ODR4: variants seen among roughly 807,000 people sequenced by gnomAD.
The protein encoded by ODR4 is protein odr-4 homolog.
ODR4 carries 47 observed loss-of-function variants against 60.2 expected under a neutral mutation model. That is an observed-to-expected ratio of 0.78 (90% CI 0.62 to 1.00). The LOEUF (loss-of-function observed/expected upper bound fraction) is 1.00. Among genes scored for constraint, ODR4 ranks in the 50% least tolerant of loss-of-function variants. The probability of loss-of-function intolerance (pLI) is 0.00; values close to 1 mark genes in which losing one functional copy is unlikely to be tolerated. For missense variants in ODR4, 488 were observed against 530.8 expected (o/e 0.92, Z 0.79); for synonymous variants, 178 against 175.5 (o/e 1.01, Z -0.11).
chr1:186,414,179 A>G (rs980082844), intron 12 of ODR4, among the ~76,000 whole-genome samples: 1 of 152,192 alleles, frequency 6.6e-6, no homozygotes, highest in Non-Finnish European at 1.5e-5. Context: ...TTCATTATTG[A>G]AAAACATTCT....
intron 11 of ODR4, among the ~76,000 whole-genome samples, chr1:186,403,148 A>G (rs1571689306): frequency 6.6e-6 from 1 of 152,194 alleles, no homozygotes; most frequent in South Asian, 2.1e-4. Context: ...TAACAGGATA[A>G]TTATTCCAAC....
At chr1:186,383,196 C>CA in intron 3 of ODR4, 40 bp downstream of exon 3, 1 of 1,518,482 alleles carries the variant, frequency 6.6e-7, no homozygotes, top group South Asian at 1.3e-5. Flanking sequence ...AGTTTTATTT[C>CA]AAAAAAGAGC....
downstream of ODR4, among the ~76,000 whole-genome samples, chr1:186,425,464 G>A (rs1661866848): frequency 6.6e-6 from 1 of 152,110 alleles, no homozygotes; most frequent in South Asian, 2.1e-4. Flanking sequence ...CCTGAGAGTG[G>A]TTCTCAACTC....
chr1:186,419,184 T>C lies in ODR4; in HGVS notation c.*108T>C. 1.0e-6 allele frequency: 1 copy of C among 959,494 alleles called. No homozygotes were observed. 59.4% of individuals were successfully genotyped at this position (959,494 alleles called of 1,614,324 possible). A position where few individuals can be genotyped will look rare whatever the true frequency, so the allele number is the denominator to read the frequency against. The stretch of plus-strand genomic sequence containing the variant: ...TATTTAAAACACTAGCAGCCAGATC[T>C]GCTGCCATGATGCCTATTTGGTGTG... On this transcript the variant is annotated 3_prime_UTR_variant, in exon 14 of 14. Transcript: ENST00000287859.
At chr1:186,392,405 A>T (rs1191380393) in intron 8 of ODR4, among the ~76,000 whole-genome samples, 3 of 152,222 alleles carry the variant, frequency 2.0e-5, no homozygotes, top group African/African-American at 7.2e-5. Context: ...TCAATGACAG[A>T]CTAGATAATG....
At chr1:186,400,978 T>C in intron 11 of ODR4, 1 of 1,474,714 alleles carries the variant, frequency 6.8e-7, no homozygotes, top group Non-Finnish European at 9.2e-7. Context: ...GTGGTGTAAA[T>C]CATTGCTTCA....
At chr1:186,381,886 A>G (rs1265878544) in intron 2 of ODR4, among the ~76,000 whole-genome samples, 1 of 152,182 alleles carries the variant, frequency 6.6e-6, no homozygotes, top group Non-Finnish European at 1.5e-5. Context: ...AACTTCCTGA[A>G]AATAACCTGT....
At chr1:186,424,158 G>C (rs1281304710), downstream of ODR4, among the ~76,000 whole-genome samples, 1 of 152,110 alleles carries the variant, frequency 6.6e-6, no homozygotes, top group Non-Finnish European at 1.5e-5. Context: ...TTACTCAAAT[G>C]TCCGTTGACA....
intron 12 of ODR4, among the ~76,000 whole-genome samples, chr1:186,407,619 C>T (rs890896249): frequency 5.3e-5 from 8 of 152,158 alleles, no homozygotes; most frequent in African/African-American, 1.9e-4. Flanking sequence ...ACCAATCTGC[C>T]TCCCTGTAAC....
In ODR4 at chr1:186,417,716, C is replaced by G. The variant is rs1661625926; in HGVS notation, c.1297+62C>G. On this transcript the variant is annotated intron_variant, in intron 13 of 13. Transcript: ENST00000287859. ...TATTTAGATTTGAGTTTTCTTGTTA[C>G]TTTAAGATCTTTGTATTTCATTTCT... 1.5e-5 allele frequency: 13 copies of G among 866,214 alleles called. No homozygotes were observed. In the South Asian group the frequency reaches 1.9e-4, roughly 13 times the overall value. The allele number at this position is 866,214 out of a possible 1,614,324, so 53.7% of individuals were successfully genotyped here.
At position 186,418,289 on chromosome 1, in the gene ODR4, CTT is replaced by C. The variant is rs35821609; in HGVS notation, c.1297+653_1297+654del. 3.9e-3 allele frequency among the ~76,000 whole-genome samples: 433 copies of C among 110,368 alleles called. 1 individual carries two copies. The highest frequency in any genetic ancestry group is 6.1e-3 in the Non-Finnish European group (327 of 53,740). The allele number at this position is 110,368 out of a possible 152,430, so 72.4% of individuals were successfully genotyped here. A position where few individuals can be genotyped will look rare whatever the true frequency, so the allele number is the denominator to read the frequency against. ...ACTACTATGGTCATTTTCTTTCTTT[CTT>C]TTTTTTTTTTTTTTTTTGAGACGGA... On this transcript the variant is annotated intron_variant, in intron 13 of 13. Transcript: ENST00000287859.
At chr1:186,385,910 C>G (rs978870506) in intron 3 of ODR4, 78 bp from the exon 4 acceptor site, 1 of 864,678 alleles carries the variant, frequency 1.2e-6, no homozygotes, top group African/African-American at 1.7e-5. Flanking sequence ...TAAGGACATG[C>G]TAAGCAGACA....
chr1:186,429,342 C>T, the ODR4 span, among the ~76,000 whole-genome samples: 1 of 151,968 alleles, frequency 6.6e-6, no homozygotes, highest in South Asian at 2.1e-4. Flanking sequence ...GATACATAGA[C>T]AGAAAATGAG....
the ODR4 span, among the ~76,000 whole-genome samples, chr1:186,431,518 C>T: frequency 6.6e-6 from 1 of 152,148 alleles, no homozygotes; most frequent in Non-Finnish European, 1.5e-5. Flanking sequence ...GGCCACAAAA[C>T]TTAAGCAGAA....
intron 11 of ODR4, among the ~76,000 whole-genome samples, chr1:186,405,231 G>A (rs534816970): frequency 2.0e-5 from 3 of 152,146 alleles, no homozygotes; most frequent in Non-Finnish European, 4.4e-5. Context: ...TGTATGACTA[G>A]ATGTCCTAAA....
downstream of ODR4, among the ~76,000 whole-genome samples, chr1:186,425,091 TC>T (rs1433227561): frequency 6.6e-6 from 1 of 152,072 alleles, no homozygotes; most frequent in Non-Finnish European, 1.5e-5. Context: ...TAATTTGTGT[TC>T]CTGATGGAAA....
intron 1 of ODR4, among the ~76,000 whole-genome samples, chr1:186,376,436 G>T (rs943228732): frequency 6.6e-6 from 1 of 152,174 alleles, no homozygotes; most frequent in Non-Finnish European, 1.5e-5. Context: ...TCTTATGAAA[G>T]AATTTGTTAA....
At chr1:186,429,760 T>C in the ODR4 span, among the ~76,000 whole-genome samples, 9 of 152,282 alleles carry the variant, frequency 5.9e-5, no homozygotes, top group East Asian at 1.7e-3. Context: ...ACCTAAAAGA[T>C]TTGTCTAAAT....
chr1:186,416,107 A>G (rs1661555269), intron 12 of ODR4, among the ~76,000 whole-genome samples: 1 of 152,182 alleles, frequency 6.6e-6, no homozygotes, highest in South Asian at 2.1e-4. Context: ...AAATATGAAA[A>G]ACAGATTTTT....
Sources: allele counts gnomAD v4.1 joint callset (sites outside exome capture counted in the v4.1 genomes callset), GRCh38; gene constraint gnomAD v4.1.1; transcripts MANE v1.5; gene names NCBI Gene and HGNC (gene_info 2026-07-23, HGNC 2026-07-21).